ZZZ3: variants seen among roughly 807,000 people sequenced by gnomAD.
ZZZ3 encodes the protein zinc finger ZZ-type containing 3, also known as ZZ-type zinc finger-containing protein 3.
In ZZZ3, 22 loss-of-function variants were observed where a neutral mutation model predicts 95.2. The observed-to-expected ratio is 0.23, with a 90% CI of 0.17 to 0.33. ZZZ3 has a LOEUF of 0.33. Among genes scored for constraint, ZZZ3 ranks in the 10% least tolerant of loss-of-function variants. ZZZ3 has a pLI of 1.00. For missense variants in ZZZ3, 885 were observed against 1,066.5 expected, an observed-to-expected ratio of 0.83 and a Z score of 2.37; for synonymous variants, 335 against 358.9, an observed-to-expected ratio of 0.93 and a Z score of 0.75.
chr1:77,678,558 C>T (rs1297585456), intron 1 of ZZZ3, among the ~76,000 whole-genome samples: 1 of 152,176 alleles, frequency 6.6e-6, no homozygotes, highest in Non-Finnish European at 1.5e-5. Context: ...GGCTGCTCTA[C>T]GATACTGTCA....
At position 77,639,490 on chromosome 1, in the gene ZZZ3, T is replaced by C. The variant is rs1201398182; in HGVS notation, c.-93A>G. Reference sequence around the variant, plus strand: ...CTATCATTGTGGAAATATAATCTCTTTTCCTTATATCCTGAAGGAGTTGGA... The same window carrying C: ...CTATCATTGTGGAAATATAATCTCTCTTCCTTATATCCTGAAGGAGTTGGA... On this transcript the variant is annotated 5_prime_UTR_variant, in exon 4 of 15. Transcript: ENST00000370801. The C allele has an allele frequency of 7.3e-6, 11 of 1,506,920 alleles. No individual in the cohort carries two copies. Among genetic ancestry groups the C allele is most frequent in the Non-Finnish European group, 9.8e-6 (11 of 1,126,934 alleles). 93.3% of individuals were successfully genotyped at this position (1,506,920 alleles called of 1,614,324 possible).
At chr1:77,578,636 G>T in intron 11 of ZZZ3, 138 bp downstream of exon 11, 1 of 435,542 alleles carries the variant, frequency 2.3e-6, no homozygotes. Flanking sequence ...CTCCACTTTT[G>T]CACAATATAA....
chr1:77,673,836 A>C (rs1406151695), intron 1 of ZZZ3, among the ~76,000 whole-genome samples: 2 of 152,196 alleles, frequency 1.3e-5, no homozygotes, highest in African/African-American at 2.4e-5. Context: ...GGAGGCTCAC[A>C]ACATGCTTTG....
At chr1:77,663,542 T>G (rs2101025093) in intron 1 of ZZZ3, among the ~76,000 whole-genome samples, 1 of 152,340 alleles carries the variant, frequency 6.6e-6, no homozygotes, top group South Asian at 2.1e-4. Context: ...TTTCATTTAC[T>G]TTTCTTAAAG....
intron 4 of ZZZ3, among the ~76,000 whole-genome samples, chr1:77,636,882 T>C (rs1668354562): frequency 6.6e-6 from 1 of 152,198 alleles, no homozygotes; most frequent in Non-Finnish European, 1.5e-5. Context: ...TAAAAATGCT[T>C]TTATTTCACT....
intron 4 of ZZZ3, among the ~76,000 whole-genome samples, chr1:77,637,633 G>C (rs963432233): frequency 1.3e-5 from 2 of 152,104 alleles, no homozygotes; most frequent in Admixed American, 1.3e-4. Context: ...TTTGAGAACT[G>C]CCTGGACAAT....
chr1:77,577,616 A>G (rs1662089857), intron 11 of ZZZ3, among the ~76,000 whole-genome samples: 1 of 152,242 alleles, frequency 6.6e-6, no homozygotes, highest in Admixed American at 6.5e-5. Flanking sequence ...GGATAACAGC[A>G]CTAGATATAC....
At chr1:77,635,263 T>C (rs186031122) in intron 4 of ZZZ3, among the ~76,000 whole-genome samples, 1 of 152,202 alleles carries the variant, frequency 6.6e-6, no homozygotes, top group Non-Finnish European at 1.5e-5. Context: ...TCTCAAAGTA[T>C]GGCATACTTT....
chr1:77,630,966 T>G (rs998857936), intron 5 of ZZZ3, among the ~76,000 whole-genome samples: 1 of 152,162 alleles, frequency 6.6e-6, no homozygotes, highest in African/African-American at 2.4e-5. Context: ...CCTGTAGCAA[T>G]AAAGGTAATT....
intron 1 of ZZZ3, among the ~76,000 whole-genome samples, chr1:77,643,659 C>T (rs553346052): frequency 6.3e-4 from 96 of 152,212 alleles, no homozygotes; most frequent in Non-Finnish European, 1.2e-3. Context: ...GCAGTCTTAA[C>T]ACTGGTACTA....
intron 1 of ZZZ3, among the ~76,000 whole-genome samples, chr1:77,649,279 A>C (rs1315338329): frequency 1.3e-5 from 2 of 152,206 alleles, no homozygotes; most frequent in Non-Finnish European, 2.9e-5. Flanking sequence ...AGGCACAGAG[A>C]GAAAAATAAG....
chr1:77,655,686 G>GA (rs1221058016), intron 1 of ZZZ3, among the ~76,000 whole-genome samples: 1 of 152,192 alleles, frequency 6.6e-6, no homozygotes, highest in Non-Finnish European at 1.5e-5. Context: ...AAATAAAGCT[G>GA]AATTTGTCAG....
At chr1:77,622,128 T>G (rs1267157386) in intron 5 of ZZZ3, among the ~76,000 whole-genome samples, 1 of 141,136 alleles carries the variant, frequency 7.1e-6, no homozygotes, top group East Asian at 2.1e-4. Flanking sequence ...AATGAGGCCT[T>G]GTCTCCACAA....
intron 1 of ZZZ3, among the ~76,000 whole-genome samples, chr1:77,648,535 G>A (rs931756121): frequency 3.3e-5 from 5 of 152,098 alleles, no homozygotes; most frequent in Admixed American, 6.6e-5. Context: ...GTAGAGATAC[G>A]TAAGTCTTTT....
chr1:77,569,467 T>C (rs1188583541), intron 12 of ZZZ3, among the ~76,000 whole-genome samples: 1 of 152,224 alleles, frequency 6.6e-6, no homozygotes, highest in Non-Finnish European at 1.5e-5. Flanking sequence ...ACCTCCCAAA[T>C]TGACAAGTAG....
At chr1:77,620,921 A>G (rs1666792195) in intron 5 of ZZZ3, among the ~76,000 whole-genome samples, 1 of 152,250 alleles carries the variant, frequency 6.6e-6, no homozygotes, top group African/African-American at 2.4e-5. Flanking sequence ...AATAAGGGCA[A>G]GAACACAGAA....
chr1:77,668,120 CAT>C (rs1203093547), intron 1 of ZZZ3, among the ~76,000 whole-genome samples: 4 of 152,010 alleles, frequency 2.6e-5, no homozygotes, highest in African/African-American at 7.3e-5. Flanking sequence ...ATGAGGAAGT[CAT>C]ATTAATTTCT....
At chr1:77,670,917 ACCTATAAT>A (rs1386717807) in intron 1 of ZZZ3, among the ~76,000 whole-genome samples, 1 of 151,740 alleles carries the variant, frequency 6.6e-6, no homozygotes, top group Non-Finnish European at 1.5e-5. Context: ...GTACATACAC[ACCTATAAT>A]CCCAGCTACC....
At chr1:77,597,578 T>C (rs1664331611) in intron 5 of ZZZ3, among the ~76,000 whole-genome samples, 1 of 152,124 alleles carries the variant, frequency 6.6e-6, no homozygotes, top group South Asian at 2.1e-4. Flanking sequence ...TGCACCCTGG[T>C]AGCATGTGAT....
Sources: allele counts gnomAD v4.1 joint callset (sites outside exome capture counted in the v4.1 genomes callset), GRCh38; gene constraint gnomAD v4.1.1; transcripts MANE v1.5; gene names NCBI Gene and HGNC (gene_info 2026-07-23, HGNC 2026-07-21).